Variants in ADCYAP1R1 observed in about 807,000 individuals in gnomAD.
The protein encoded by ADCYAP1R1 is pituitary adenylate cyclase-activating polypeptide type I receptor.
A neutral mutation model predicts 67.6 loss-of-function variants in ADCYAP1R1; 44 were observed. The observed-to-expected ratio is 0.65, with a 90% confidence interval of 0.51 to 0.84. ADCYAP1R1 has a LOEUF of 0.84. Among genes scored for constraint, ADCYAP1R1 ranks in the 40% least tolerant of loss-of-function variants. ADCYAP1R1 has a pLI of 0.00. For missense variants in ADCYAP1R1, 477 were observed against 587.9 expected (o/e 0.81, Z 1.95); for synonymous variants, 222 against 219.6 (o/e 1.01, Z -0.10).
In ADCYAP1R1 at chr7:31,106,595, G is replaced by T. The variant is rs1796657984; in HGVS notation, c.1318G>T (p.Val440Leu). The T allele has an allele frequency of 3.1e-6, 5 of 1,614,038 alleles. No homozygotes were observed. In the African/African-American group the frequency reaches 4.0e-5, roughly 13 times the overall value. ...ACACCCGTCTCTGGCCAGCAGTGGGGTGAATGGGGGCACCCAGCTCTCCAT... is the reference window on the plus strand; with the variant it reads ...ACACCCGTCTCTGGCCAGCAGTGGGTTGAATGGGGGCACCCAGCTCTCCAT... Reference protein sequence around the residue: ...HRHPSLASSGVNGGTQLSILS... With the variant: ...HRHPSLASSGLNGGTQLSILS... The change falls in exon 16 of 16, where the codon GTG becomes TTG. Residue 440 changes from valine (V) to leucine (L), a missense_variant. Transcript: ENST00000304166.
chr7:31,086,639 C>A lies in ADCYAP1R1; in HGVS notation c.823+102C>A. 1.4e-6 allele frequency: 2 copies of A among 1,395,232 alleles called. No individual in the cohort carries two copies. The highest frequency in any genetic ancestry group is 1.3e-5 in the South Asian group (1 of 76,076). The allele number at this position is 1,395,232 out of a possible 1,614,324, so 86.4% of individuals were successfully genotyped here. On this transcript the variant is annotated intron_variant, in intron 10 of 15. Coordinates refer to ENST00000304166, the MANE Select transcript of ADCYAP1R1 (RefSeq NM_001118.5). This position sits in a 1 kb window ranked among gnomAD's most constrained non-coding sequence, Gnocchi z 5.0. ...TCAGGAAGTGTCAGGTGAGGAGGGG[C>A]CACTGCCCTGCCCGAGTCTAATGGC...
At chr7:31,100,423 A>G (rs1235374554) in intron 13 of ADCYAP1R1, among the ~76,000 whole-genome samples, 1 of 152,020 alleles carries the variant, frequency 6.6e-6, no homozygotes, top group Non-Finnish European at 1.5e-5. Flanking sequence ...GGATGGATCT[A>G]CGGCCATTGT....
Position 31,087,660 on chromosome 7 carries a change from G to A in ADCYAP1R1, c.918G>A (p.Trp306Ter), listed in dbSNP as rs895482204. Residue 306 changes from tryptophan to a stop codon, truncating the protein, a stop_gained, in exon 12 of 16, where the codon TGG (tryptophan) becomes TGA (stop). Transcript: ENST00000304166. LOFTEE classifies it high-confidence loss of function. ...CWDMNDSTAL[W>*]WVIKGPVVGS... The stretch of plus-strand genomic sequence containing the variant: ...ATATGAATGACAGCACAGCTCTGTG[G>A]TGGGTGATCAAAGGCCCTGTGGTTG... 3.0e-5 allele frequency: 49 copies of A among 1,614,046 alleles called. No individual in the cohort carries two copies. Among genetic ancestry groups the A allele is most frequent in the Non-Finnish European group, 4.1e-5 (48 of 1,179,958 alleles).
intron 13 of ADCYAP1R1, among the ~76,000 whole-genome samples, chr7:31,098,358 C>G (rs1796292347): frequency 6.6e-6 from 1 of 152,198 alleles, no homozygotes; most frequent in South Asian, 2.1e-4. Context: ...TTTTGACATT[C>G]ATTGAGGAAT....
intron 6 of ADCYAP1R1, 54 bp from the exon 7 acceptor site, chr7:31,084,087 T>A: frequency 6.7e-7 from 1 of 1,502,632 alleles, no homozygotes; most frequent in East Asian, 2.3e-5. Context: ...GCATAAGAAT[T>A]TCAGGGCCCT....
intron 12 of ADCYAP1R1, among the ~76,000 whole-genome samples, chr7:31,090,018 A>G (rs141464509): frequency 1.3e-5 from 2 of 152,276 alleles, no homozygotes; most frequent in East Asian, 3.9e-4. Flanking sequence ...TGTTAGCCTC[A>G]TAGGTAATCC....
At chr7:31,060,693 T>C (rs895981792) in intron 1 of ADCYAP1R1, among the ~76,000 whole-genome samples, 3 of 152,054 alleles carry the variant, frequency 2.0e-5, no homozygotes, top group African/African-American at 7.2e-5. Flanking sequence ...TGTGTGTGTT[T>C]GTGTGTGTGA....
chr7:31,095,094 C>G (rs1322209428), intron 13 of ADCYAP1R1, among the ~76,000 whole-genome samples: 1 of 152,162 alleles, frequency 6.6e-6, no homozygotes, highest in Non-Finnish European at 1.5e-5. Flanking sequence ...ATCCAATTGA[C>G]CACACTGCTA....
chr7:31,062,784 T>C (rs1794560732), intron 1 of ADCYAP1R1, among the ~76,000 whole-genome samples: 1 of 152,198 alleles, frequency 6.6e-6, no homozygotes, highest in Non-Finnish European at 1.5e-5. Context: ...AATAACTTCA[T>C]CATGTGCCCA....
chr7:31,055,729 A>G (rs1794212166), intron 1 of ADCYAP1R1, among the ~76,000 whole-genome samples: 1 of 152,232 alleles, frequency 6.6e-6, no homozygotes. Flanking sequence ...GGAAAGATAA[A>G]TAAATGGTCA....
Position 31,110,270 on chromosome 7 carries a change from G to T in ADCYAP1R1, c.*3586G>T, listed in dbSNP as rs568103359. ...AATACTTTGTCATAAAGTCCTCCTT[G>T]AGCCCAGGGACCATGGAAGTCAGCT... On this transcript the variant is annotated 3_prime_UTR_variant, in exon 16 of 16. Coordinates refer to ENST00000304166, the MANE Select transcript of ADCYAP1R1 (RefSeq NM_001118.5). The T allele has an allele frequency of 6.6e-6, 1 of 151,204 alleles. No homozygotes were observed. The highest frequency in any genetic ancestry group is 1.5e-5 in the Non-Finnish European group (1 of 67,904). 9.4% of individuals were successfully genotyped at this position (151,204 alleles called of 1,614,324 possible). A position where few individuals can be genotyped will look rare whatever the true frequency, so the allele number is the denominator to read the frequency against.
At chr7:31,104,366 G>C (rs901691538) in intron 14 of ADCYAP1R1, among the ~76,000 whole-genome samples, 1 of 152,124 alleles carries the variant, frequency 6.6e-6, no homozygotes, top group Non-Finnish European at 1.5e-5. Context: ...GAATAGCTAA[G>C]TGCATACGCT....
intron 12 of ADCYAP1R1, among the ~76,000 whole-genome samples, chr7:31,088,179 C>T (rs1446000222): frequency 6.6e-6 from 1 of 152,226 alleles, no homozygotes; most frequent in African/African-American, 2.4e-5. Context: ...CTCCATCTCG[C>T]TAGCGTAACT....
Position 31,106,681 on chromosome 7 carries a change from C to A in ADCYAP1R1, c.1404C>A (p.Thr468=), listed in dbSNP as rs1402193505. Residue 468 remains threonine, a synonymous_variant, in exon 16 of 16, where the codon ACC becomes ACA. Coordinates refer to ENST00000304166, the MANE Select transcript of ADCYAP1R1 (RefSeq NM_001118.5). The stretch of plus-strand genomic sequence containing the variant: ...GCCTCCCTGCTGACAATCTGGCCAC[C>A]TGAGCCATGCTCCCCTCCTCCTCCT... ...MSGLPADNLA[T] 6.2e-7 allele frequency: 1 copy of A among 1,604,258 alleles called. No homozygotes were observed. The highest frequency in any genetic ancestry group is 1.7e-5 in the Admixed American group (1 of 59,238).
chr7:31,104,770 G>GTGTATTTC, intron 14 of ADCYAP1R1, 98 bp from the exon 15 acceptor site: 2 of 1,351,644 alleles, frequency 1.5e-6, no homozygotes, highest in Non-Finnish European at 2.1e-6. Flanking sequence ...CCAGGTCATG[G>GTGTATTTC]TGTATTTCTG....
At chr7:31,104,982 G>T in intron 15 of ADCYAP1R1, 73 bp downstream of exon 15, 1 of 1,496,152 alleles carries the variant, frequency 6.7e-7, no homozygotes, top group Non-Finnish European at 9.3e-7. Flanking sequence ...GGAACCACCT[G>T]TTGGCCACAT....
At position 31,064,784 on chromosome 7, in the gene ADCYAP1R1, A is replaced by G. The variant is rs1002784659; in HGVS notation, c.52-47A>G. ...GGGGCTTTGGTAGGAGAGCTTACAGATGGGCCTCCTACCCGCTCCCACCAT... is the reference window on the plus strand; with the variant it reads ...GGGGCTTTGGTAGGAGAGCTTACAGGTGGGCCTCCTACCCGCTCCCACCAT... On this transcript the variant is annotated intron_variant, in intron 2 of 15. Coordinates refer to ENST00000304166, the MANE Select transcript of ADCYAP1R1 (RefSeq NM_001118.5). 2.0e-6 allele frequency: 3 copies of G among 1,477,904 alleles called. No individual in the cohort carries two copies. The African/African-American group carries it at 4.2e-5, about 21-fold the overall frequency. 91.5% of individuals were successfully genotyped at this position (1,477,904 alleles called of 1,614,324 possible).
At chr7:31,092,578 C>T in intron 12 of ADCYAP1R1, 66 bp from the exon 13 acceptor site, 2 of 1,308,436 alleles carry the variant, frequency 1.5e-6, no homozygotes, top group Non-Finnish European at 2.2e-6. Flanking sequence ...GAGGGTCCTG[C>T]TGGGGAAATA....
chr7:31,059,343 C>T (rs1204625104), intron 1 of ADCYAP1R1, among the ~76,000 whole-genome samples: 2 of 152,168 alleles, frequency 1.3e-5, no homozygotes, highest in East Asian at 3.9e-4. Flanking sequence ...TTCCCAAGCT[C>T]CTGGGGCAGA....
Sources: gnomAD v4.1 joint callset for allele counts (sites outside exome capture counted in the v4.1 genomes callset) on GRCh38, gnomAD v4.1.1 for gene constraint, Gnocchi (gnomAD v3.1) non-coding constraint, MANE v1.5 for transcripts, NCBI Gene and HGNC (gene_info 2026-07-23, HGNC 2026-07-21) for gene names.